The following PKD2L2 variants were observed in gnomAD, a reference collection of about 807,000 sequenced individuals.
PKD2L2 encodes the protein polycystin 2 like 2, transient receptor potential cation channel, also known as polycystin-2-like protein 2.
Under a neutral mutation model 83.9 loss-of-function variants are expected in PKD2L2, and 67 were observed. The ratio of observed to expected loss-of-function variants is 0.80; its 90% CI spans 0.66 to 0.98. The LOEUF is 0.98. Ranked by LOEUF, PKD2L2 falls within the 50% of genes least tolerant of loss-of-function variation. The pLI, the probability that PKD2L2 is intolerant of heterozygous loss-of-function variation, is 0.00. For missense variants in PKD2L2, 632 were observed against 717.2 expected (o/e 0.88, Z 1.36); for synonymous variants, 223 against 237.8 (o/e 0.94, Z 0.57).
rs1759327244 is a variant in PKD2L2 at position 137,925,741 on chromosome 5, A to C, written c.1617-134A>C. 1.1e-5 allele frequency: 6 copies of C among 527,714 alleles called. No homozygotes were observed. The South Asian group carries it at 2.0e-4, about 17-fold the overall frequency. 32.7% of individuals were successfully genotyped at this position (527,714 alleles called of 1,614,324 possible). A position where few individuals can be genotyped will look rare whatever the true frequency, so the allele number is the denominator to read the frequency against. ...TACTCTGAAGAGCTTGTTAATGATCACATTTTCCAAATAATTAGCATTATC... is the reference window on the plus strand; with the variant it reads ...TACTCTGAAGAGCTTGTTAATGATCCCATTTTCCAAATAATTAGCATTATC... On this transcript the variant is annotated intron_variant, in intron 11 of 14. Transcript: ENST00000508883.
At chr5:137,893,471 G>A (rs2149999525) in intron 3 of PKD2L2, among the ~76,000 whole-genome samples, 1 of 152,280 alleles carries the variant, frequency 6.6e-6, no homozygotes, top group East Asian at 1.9e-4. Context: ...CCTGGCATAT[G>A]CACATTGGGG....
At chr5:137,902,758 G>A (rs114001615) in intron 5 of PKD2L2, among the ~76,000 whole-genome samples, 1,661 of 152,138 alleles carry the variant, frequency 0.011, 29 homozygotes, top group African/African-American at 0.038. Context: ...TTGGGGAAGC[G>A]TAAGATACTA....
At chr5:137,898,745 A>T (rs1756704521) in intron 4 of PKD2L2, among the ~76,000 whole-genome samples, 1 of 149,872 alleles carries the variant, frequency 6.7e-6, no homozygotes. Flanking sequence ...TTTTTCTGAG[A>T]CAGGGTCTTA....
chr5:137,936,035 A>T, intron 13 of PKD2L2, 126 bp downstream of exon 13: 1 of 673,092 alleles, frequency 1.5e-6, no homozygotes, highest in African/African-American at 1.8e-5. Context: ...TTTACTTTCT[A>T]TCCAGTTTTA....
At chr5:137,890,102 G>A (rs189858378) in intron 1 of PKD2L2, 339 of 167,506 alleles carry the variant, frequency 2.0e-3, no homozygotes, top group South Asian at 6.6e-3. Context: ...GGCCAACATG[G>A]TGAAACCCCA....
chr5:137,901,972 G>T (rs962673031), intron 5 of PKD2L2, among the ~76,000 whole-genome samples: 1 of 150,662 alleles, frequency 6.6e-6, no homozygotes, highest in Non-Finnish European at 1.5e-5. Flanking sequence ...GTCAATCAAA[G>T]AAATCATGAA....
chr5:137,920,062 G>A (rs1758748828), intron 8 of PKD2L2, among the ~76,000 whole-genome samples: 2 of 152,150 alleles, frequency 1.3e-5, no homozygotes, highest in South Asian at 2.1e-4. Flanking sequence ...GCCAGGCATG[G>A]TGGCATGTGC....
intron 8 of PKD2L2, 93 bp downstream of exon 8, chr5:137,909,039 A>C (rs1757592245): frequency 1.5e-6 from 1 of 681,906 alleles, no homozygotes; most frequent in Admixed American, 3.1e-5. Context: ...TAGTAATATA[A>C]GCTTTAATAT....
At chr5:137,913,787 A>G (rs1454027791) in intron 8 of PKD2L2, among the ~76,000 whole-genome samples, 3 of 151,644 alleles carry the variant, frequency 2.0e-5, no homozygotes, top group African/African-American at 7.3e-5. Context: ...GCCTCAAGCA[A>G]TCCTCTCACC....
intron 14 of PKD2L2, chr5:137,941,936 C>A: frequency 6.2e-7 from 1 of 1,610,558 alleles, no homozygotes; most frequent in South Asian, 1.1e-5. Flanking sequence ...TTGTGATGCT[C>A]AACAAACCTT....
chr5:137,896,799 A>G (rs1756505839), intron 4 of PKD2L2, among the ~76,000 whole-genome samples: 1 of 152,176 alleles, frequency 6.6e-6, no homozygotes, highest in South Asian at 2.1e-4. Context: ...TCCTCTTAGC[A>G]TCTCAATATA....
At chr5:137,935,638 G>A (rs1477868146) in intron 12 of PKD2L2, among the ~76,000 whole-genome samples, 159 bp from the exon 13 acceptor site, 1 of 152,192 alleles carries the variant, frequency 6.6e-6, no homozygotes, top group East Asian at 1.9e-4. Flanking sequence ...CTGATGCACA[G>A]ATCTAAAATC....
intron 14 of PKD2L2, among the ~76,000 whole-genome samples, chr5:137,937,100 C>T (rs540645153): frequency 1.1e-4 from 16 of 152,144 alleles, no homozygotes; most frequent in Non-Finnish European, 1.8e-4. Context: ...CTATCAAGTG[C>T]GTCAGGTACC....
chr5:137,912,365 ATTTTG>A (rs1245975301), intron 8 of PKD2L2, among the ~76,000 whole-genome samples: 1 of 151,834 alleles, frequency 6.6e-6, no homozygotes, highest in Non-Finnish European at 1.5e-5. Flanking sequence ...GTGATATCTC[ATTTTG>A]TTTTGGTTTG....
chr5:137,939,828 C>T (rs1761120924), intron 14 of PKD2L2: 1 of 1,267,332 alleles, frequency 7.9e-7, no homozygotes, highest in South Asian at 2.6e-5. Context: ...CAGAAGAATT[C>T]AGTATGAAGA....
intron 5 of PKD2L2, among the ~76,000 whole-genome samples, chr5:137,905,109 A>C (rs1757259830): frequency 6.6e-6 from 1 of 152,218 alleles, no homozygotes; most frequent in African/African-American, 2.4e-5. Context: ...ACTGGCTTTA[A>C]GTCACATGAA....
rs1580972898 is a variant in PKD2L2, at chr5:137,923,380, A to G, written c.1450-40A>G. The G allele has an allele frequency of 6.2e-6, 6 of 968,194 alleles. 1 individual carries two copies. The highest frequency in any genetic ancestry group is 1.6e-6 in the Non-Finnish European group (1 of 618,034). 60.0% of individuals were successfully genotyped at this position (968,194 alleles called of 1,614,324 possible). Reference sequence around the variant, plus strand: ...TGTTAAAGTCATTAACATTTAAACTAAATTTTTATTGAAATAATTATTTGA... The same window carrying G: ...TGTTAAAGTCATTAACATTTAAACTGAATTTTTATTGAAATAATTATTTGA... On this transcript the variant is annotated intron_variant, in intron 9 of 14. Coordinates refer to ENST00000508883, the MANE Select transcript of PKD2L2 (RefSeq NM_001300921.2).
chr5:137,930,664 T>TAAAAAA (rs554720958), intron 12 of PKD2L2, among the ~76,000 whole-genome samples: 11 of 84,516 alleles, frequency 1.3e-4, no homozygotes, highest in Non-Finnish European at 1.9e-4. Flanking sequence ...AGACTCCATC[T>TAAAAAA]AAAAAAAAAA....
chr5:137,941,984 A>C (rs531347260), intron 14 of PKD2L2: 2 of 1,614,088 alleles, frequency 1.2e-6, no homozygotes, highest in East Asian at 4.5e-5. Context: ...AATTCCCGCA[A>C]CGTTTTGCGT....
Sources: allele counts gnomAD v4.1 joint callset (sites outside exome capture counted in the v4.1 genomes callset), GRCh38; gene constraint gnomAD v4.1.1; transcripts MANE v1.5; gene names NCBI Gene and HGNC (gene_info 2026-07-23, HGNC 2026-07-21).